The following HEATR5A variants were observed in gnomAD, a reference collection of about 807,000 sequenced individuals.
HEATR5A encodes the protein HEAT repeat-containing protein 5A.
HEATR5A carries 178 observed loss-of-function variants against 218.8 expected under a neutral mutation model. That is an observed-to-expected ratio of 0.81 (90% CI 0.72 to 0.92). The LOEUF (loss-of-function observed/expected upper bound fraction) is 0.92, where lower values mean the gene tolerates loss of function less well. HEATR5A is among the 40% of genes least tolerant of loss of function. The pLI is 0.00. For synonymous variants in HEATR5A, 864 were observed against 871.6 expected (o/e 0.99, Z 0.15); for missense variants, 2,420 against 2,418.9 (o/e 1.00, Z -0.01).
chr14:31,327,254 C>T (rs955767035), intron 22 of HEATR5A, among the ~76,000 whole-genome samples: 2 of 143,768 alleles, frequency 1.4e-5, no homozygotes, highest in Admixed American at 7.2e-5. Flanking sequence ...GGATTATAGG[C>T]GTTGAGCCAC....
intron 33 of HEATR5A, 42 bp from the exon 34 acceptor site, chr14:31,296,105 C>G: frequency 9.2e-6 from 14 of 1,529,862 alleles, no homozygotes; most frequent in Non-Finnish European, 1.3e-5. Context: ...ATATTTACTG[C>G]TTTATATACC....
chr14:31,344,162 CAT>C, intron 20 of HEATR5A, 97 bp from the exon 21 acceptor site: 2 of 590,354 alleles, frequency 3.4e-6, no homozygotes, highest in Non-Finnish European at 2.6e-6. Flanking sequence ...CCAGTTTAAA[CAT>C]ATATTACAGG....
chr14:31,349,338 C>T (rs368600995), intron 18 of HEATR5A, among the ~76,000 whole-genome samples: 3 of 151,948 alleles, frequency 2.0e-5, no homozygotes, highest in East Asian at 3.9e-4. Flanking sequence ...AAGCCGAGAT[C>T]GCGCCACTGC....
At chr14:31,324,818 A>C (rs1198705371) in intron 23 of HEATR5A, among the ~76,000 whole-genome samples, 1 of 152,170 alleles carries the variant, frequency 6.6e-6, no homozygotes, top group Admixed American at 6.5e-5. Context: ...GGGGAACAGA[A>C]GAGAAAATTA....
chr14:31,418,618 TAATAACAGTTTCTC>T (rs1196847646), intron 1 of HEATR5A, among the ~76,000 whole-genome samples: 2 of 152,256 alleles, frequency 1.3e-5, no homozygotes, highest in African/African-American at 4.8e-5. Flanking sequence ...AAATGAGATT[TAATAACAGTTTCTC>T]AATGTCTCCT....
chr14:31,307,832 A>C, intron 30 of HEATR5A, 61 bp downstream of exon 30: 3 of 1,551,256 alleles, frequency 1.9e-6, no homozygotes, highest in Non-Finnish European at 2.6e-6. Context: ...TAGAAACCTG[A>C]ACATGTTTCT....
chr14:31,305,170 A>G lies in HEATR5A; in HGVS notation c.4974T>C (p.Asp1658=). The G allele has an allele frequency of 6.2e-7, 1 of 1,612,970 alleles. No homozygotes were observed. Among genetic ancestry groups the G allele is most frequent in the Non-Finnish European group, 8.5e-7 (1 of 1,179,692 alleles). Residue 1658 remains aspartate, a synonymous_variant, in exon 32 of 36, where the codon GAT becomes GAC. Transcript: ENST00000543095. ...GCAGAGTTTCCTTTTCAGCAGCCCC[A>G]TCATCAACTAAAAGAAAGAATAGTG... ...KEKRRSAEVD[D]GAAEKETLPE... is the part of the protein sequence containing the mutation.
chr14:31,357,964 G>A (rs1417746928), intron 16 of HEATR5A, among the ~76,000 whole-genome samples: 2 of 152,180 alleles, frequency 1.3e-5, no homozygotes, highest in African/African-American at 2.4e-5. Context: ...GCGGGCAAGC[G>A]AGCATTATCA....
chr14:31,350,013 T>C (rs115988917), intron 17 of HEATR5A, 34 bp from the exon 18 acceptor site: 22 of 1,392,626 alleles, frequency 1.6e-5, no homozygotes, highest in African/African-American at 2.9e-5. Context: ...AAACTTACAA[T>C]TGTAGTAAAT....
At chr14:31,401,944 T>C (rs751685097) in intron 2 of HEATR5A, among the ~76,000 whole-genome samples, 1 of 152,220 alleles carries the variant, frequency 6.6e-6, no homozygotes, top group Non-Finnish European at 1.5e-5. Flanking sequence ...GCTAATGGTA[T>C]TCAGGTGCTC....
rs58756564 is a variant in HEATR5A at position 31,352,963 on chromosome 14, A to AAAAAATAAAAAT, written c.2412-2258_2412-2247dup. ...AAAGCGAGACTCCATCTCCAAAAAT[A>AAAAAATAAAAAT]AAAAATAAAAATAAAAATAAAAATA... is the stretch of plus-strand genomic sequence containing the variant. On this transcript the variant is annotated intron_variant, in intron 16 of 35. Coordinates refer to ENST00000543095, the MANE Select transcript of HEATR5A (RefSeq NM_015473.4). Among the ~76,000 whole-genome samples, 501 of 147,640 alleles carry AAAAAATAAAAAT rather than the reference A, an allele frequency of 3.4e-3. 6 individuals carry two copies. Among genetic ancestry groups the AAAAAATAAAAAT allele is most frequent in the African/African-American group, 0.011 (462 of 40,216 alleles).
chr14:31,398,861 T>C, intron 3 of HEATR5A, 80 bp from the exon 4 acceptor site: 1 of 755,770 alleles, frequency 1.3e-6, no homozygotes, highest in Non-Finnish European at 2.2e-6. Flanking sequence ...TAAGGATAAC[T>C]GTTGAAAAAT....
At chr14:31,400,090 T>C (rs188715467) in intron 3 of HEATR5A, among the ~76,000 whole-genome samples, 1 of 152,346 alleles carries the variant, frequency 6.6e-6, no homozygotes, top group East Asian at 1.9e-4. Flanking sequence ...ATCTCAAATC[T>C]AGACTTCAAA....
chr14:31,369,602 C>A (rs61996780), intron 13 of HEATR5A, among the ~76,000 whole-genome samples: 4 of 66,178 alleles, frequency 6.0e-5, no homozygotes, highest in African/African-American at 2.3e-4. Flanking sequence ...CAGAGCAAAA[C>A]TGTCTCAAAA....
At chr14:31,405,936 C>T (rs1356009874) in intron 1 of HEATR5A, among the ~76,000 whole-genome samples, 1 of 152,040 alleles carries the variant, frequency 6.6e-6, no homozygotes, top group Admixed American at 6.6e-5. Flanking sequence ...TCTCTAATGC[C>T]CTCAATACAT....
At chr14:31,384,049 T>C (rs1203019301) in intron 9 of HEATR5A, among the ~76,000 whole-genome samples, 2 of 152,198 alleles carry the variant, frequency 1.3e-5, no homozygotes, top group African/African-American at 4.8e-5. Flanking sequence ...AAAGAAAAAC[T>C]TTATTTCCTA....
intron 1 of HEATR5A, among the ~76,000 whole-genome samples, chr14:31,405,972 A>T (rs1328739794): frequency 6.6e-6 from 1 of 152,210 alleles, no homozygotes; most frequent in Non-Finnish European, 1.5e-5. Flanking sequence ...CTCCTAAAGG[A>T]AGTAGACAAT....
chr14:31,340,102 T>C (rs571119605), intron 21 of HEATR5A, among the ~76,000 whole-genome samples: 7 of 152,254 alleles, frequency 4.6e-5, no homozygotes, highest in South Asian at 2.1e-4. Context: ...AGCATTTATA[T>C]TGGGAAGAGG....
intron 13 of HEATR5A, among the ~76,000 whole-genome samples, chr14:31,368,351 GT>G (rs1901882329): frequency 6.6e-6 from 1 of 152,026 alleles, no homozygotes; most frequent in South Asian, 2.1e-4. Flanking sequence ...ATAAGTGCCC[GT>G]TTTTTAATAA....
Sources: allele counts gnomAD v4.1 joint callset (sites outside exome capture counted in the v4.1 genomes callset), GRCh38; gene constraint gnomAD v4.1.1; transcripts MANE v1.5; gene names NCBI Gene and HGNC (gene_info 2026-07-23, HGNC 2026-07-21).